Variants in SLC5A9 observed in about 807,000 individuals in gnomAD.
SLC5A9 encodes solute carrier family 5 member 9, also known as sodium/glucose cotransporter 4.
Under a neutral mutation model 70.9 loss-of-function variants are expected in SLC5A9, and 59 were observed. The ratio of observed to expected loss-of-function variants is 0.83; its 90% CI spans 0.68 to 1.03. SLC5A9 has a LOEUF of 1.03. Ranked by LOEUF, SLC5A9 falls within the 50% of genes least tolerant of loss-of-function variation. SLC5A9 has a pLI of 0.00. For missense variants in SLC5A9, 832 were observed against 881.1 expected, an observed-to-expected ratio of 0.94 and a Z score of 0.71; for synonymous variants, 340 against 346.5, an observed-to-expected ratio of 0.98 and a Z score of 0.21.
chr1:48,242,464 G>A lies in SLC5A9; in HGVS notation c.1685G>A (p.Arg562His), dbSNP rs190242298. 30 of 1,602,752 alleles carry A rather than the reference G, an allele frequency of 1.9e-5. No homozygotes were observed. The highest frequency in any genetic ancestry group is 7.8e-5 in the South Asian group (7 of 89,982). Residue 562 changes from arginine to histidine, a missense_variant, in exon 13 of 14, where the codon CGC becomes CAC. Physicochemically the swap from Arg to His is conservative, Grantham distance 29 (BLOSUM62 0). Transcript: ENST00000438567. Reference protein sequence around the residue: ...TTPIPEEQLTRLTWWTRNCPL... With the variant: ...TTPIPEEQLTHLTWWTRNCPL... ...TGTCTTCTTTCCCTCCAGCTCACAC[G>A]CCTCACATGGTGGACTCGGAACTGC...
chr1:48,224,730 A>T lies in SLC5A9; in HGVS notation c.169A>T (p.Ile57Phe). The T allele has an allele frequency of 6.2e-7, 1 of 1,614,094 alleles. No individual in the cohort carries two copies. The highest frequency in any genetic ancestry group is 8.5e-7 in the Non-Finnish European group (1 of 1,179,990). ...FVIAVGIWSS[I>F]RASRGTIGGY... is the part of the protein sequence containing the mutation. The stretch of plus-strand genomic sequence containing the variant: ...TCATCTATTTCCTTTCCAGTCGTCC[A>T]TCCGTGCAAGTCGAGGGACCATTGG... Residue 57 changes from isoleucine to phenylalanine, a missense_variant, in exon 2 of 14, where the codon ATC (isoleucine) becomes TTC (phenylalanine). By Grantham distance (21) the Ile-to-Phe change is conservative. Transcript: ENST00000438567.
Position 48,247,679 on chromosome 1 carries a change from A to C in SLC5A9, c.*136A>C, listed in dbSNP as rs1644475331. ...AAGACTGCAAGCTCCCCTGAAGAGA[A>C]TCCAACTCAACCTGCACACTTGACA... On this transcript the variant is annotated 3_prime_UTR_variant, in exon 14 of 14. Transcript: ENST00000438567. The C allele has an allele frequency of 1.2e-6, 1 of 812,612 alleles. No homozygotes were observed. Among genetic ancestry groups the C allele is most frequent in the African/African-American group, 1.7e-5 (1 of 58,770 alleles). 50.3% of individuals were successfully genotyped at this position (812,612 alleles called of 1,614,324 possible). A position where few individuals can be genotyped will look rare whatever the true frequency, so the allele number is the denominator to read the frequency against.
At position 48,229,326 on chromosome 1, in the gene SLC5A9, T is replaced by A; in HGVS notation, c.371T>A (p.Val124Asp). The change falls in exon 4 of 14, where the codon GTC becomes GAC. Residue 124 changes from valine (V) to aspartate (D), a missense_variant. Coordinates refer to ENST00000438567, the MANE Select transcript of SLC5A9 (RefSeq NM_001011547.3). ...TGGCTGCTCCTGGCCCTTGGCTGGG[T>A]CTTCGTCCCTGTGTACATCGCAGCA... The part of the protein sequence containing the change: ...ATWLLLALGW[V>D]FVPVYIAAGV... 6.2e-7 allele frequency: 1 copy of A among 1,614,152 alleles called. No homozygotes were observed. Among genetic ancestry groups the A allele is most frequent in the East Asian group, 2.2e-5 (1 of 44,854 alleles).
In SLC5A9 at chr1:48,222,743, A is replaced by G. The variant is rs763604741; in HGVS notation, c.7A>G (p.Lys3Glu). 5 of 1,614,186 alleles carry G rather than the reference A, an allele frequency of 3.1e-6. No homozygotes were observed. In the Admixed American group the frequency reaches 6.7e-5, roughly 22 times the overall value. ...TGTTGACCAACACTAACAGATGAGC[A>G]AGGAGCTGGCAGCAATGGGGCCTGG... is the stretch of plus-strand genomic sequence containing the variant. Reference protein sequence around the residue: MSKELAAMGPGAS... With the variant: MSEELAAMGPGAS... Residue 3 changes from lysine (K) to glutamate (E), a missense_variant, in exon 1 of 14, where the codon AAG (lysine) becomes GAG (glutamate). Physicochemically the swap from Lys to Glu is moderately conservative, Grantham distance 56. Coordinates refer to ENST00000438567, the MANE Select transcript of SLC5A9 (RefSeq NM_001011547.3).
At chr1:48,230,790 A>G in intron 5 of SLC5A9, 85 bp downstream of exon 5, 1 of 1,011,754 alleles carries the variant, frequency 9.9e-7, no homozygotes. Flanking sequence ...AACCAGAGAG[A>G]GAGACAGAGT....
At chr1:48,223,527 T>C (rs982417732) in intron 1 of SLC5A9, among the ~76,000 whole-genome samples, 72 of 152,284 alleles carry the variant, frequency 4.7e-4, no homozygotes, top group African/African-American at 1.6e-3. Context: ...ATAAGGACTA[T>C]GCTGTGATCA....
chr1:48,229,453 G>C lies in SLC5A9; in HGVS notation c.498G>C (p.Lys166Asn), dbSNP rs377329714. 1 of 1,614,070 alleles carries C rather than the reference G, an allele frequency of 6.2e-7. No individual in the cohort carries two copies. Among genetic ancestry groups the C allele is most frequent in the East Asian group, 2.2e-5 (1 of 44,870 alleles). The change falls in exon 4 of 14, where the codon AAG becomes AAC. Residue 166 changes from lysine to asparagine, a missense_variant. Lys to Asn is a moderately conservative substitution (Grantham distance 94). Coordinates refer to ENST00000438567, the MANE Select transcript of SLC5A9 (RefSeq NM_001011547.3). ...CTCTCATCCTCTACATCTTCACCAA[G>C]ATCTCGGTAGGTGTCACTGCAATGT... ...VLSLILYIFT[K>N]ISTDIFSGAL...
At position 48,247,859 on chromosome 1, in the gene SLC5A9, T is replaced by C. The variant is rs1360092120; in HGVS notation, c.*316T>C. On this transcript the variant is annotated 3_prime_UTR_variant, in exon 14 of 14. Coordinates refer to ENST00000438567, the MANE Select transcript of SLC5A9 (RefSeq NM_001011547.3). ...CTCTTCTTGAATGTATTCAGTAGCC[T>C]TTACTGAATGTGTGTCTTGAGAGTA... 8.8e-6 allele frequency: 3 copies of C among 341,016 alleles called. No individual in the cohort carries two copies. The highest frequency in any genetic ancestry group is 5.2e-5 in the South Asian group (1 of 19,186). 21.1% of individuals were successfully genotyped at this position (341,016 alleles called of 1,614,324 possible). A position where few individuals can be genotyped will look rare whatever the true frequency, so the allele number is the denominator to read the frequency against.
chr1:48,229,704 CATTT>C (rs989407378), intron 4 of SLC5A9: 25 of 552,722 alleles, frequency 4.5e-5, no homozygotes, highest in East Asian at 9.6e-5. Context: ...AGAGTTCATT[CATTT>C]ATTTTTTCAT....
rs1644477909 is a variant in SLC5A9, at chr1:48,247,958, T to C, written c.*415T>C. 1.1e-5 allele frequency: 2 copies of C among 187,944 alleles called. No homozygotes were observed. Among genetic ancestry groups the C allele is most frequent in the South Asian group, 2.2e-4 (2 of 9,030 alleles). The allele number at this position is 187,944 out of a possible 1,614,324, so 11.6% of individuals were successfully genotyped here. A position where few individuals can be genotyped will look rare whatever the true frequency, so the allele number is the denominator to read the frequency against. On this transcript the variant is annotated 3_prime_UTR_variant, in exon 14 of 14. Coordinates refer to ENST00000438567, the MANE Select transcript of SLC5A9 (RefSeq NM_001011547.3). ...CCAAGAGCACCTTTGCTCCCCCTTA[T>C]CCTCCTTCCTCTTCCCCTTTCTAGT... is the stretch of plus-strand genomic sequence containing the variant.
chr1:48,241,084 G>C (rs1485824439), intron 12 of SLC5A9: 1 of 152,000 alleles, frequency 6.6e-6, no homozygotes, highest in Non-Finnish European at 1.5e-5. Flanking sequence ...TCACTCTTTT[G>C]ACTTCTTCAC....
At chr1:48,247,286 T>C (rs1470681885) in intron 13 of SLC5A9, 49 bp from the exon 14 acceptor site, 1 of 1,567,422 alleles carries the variant, frequency 6.4e-7, no homozygotes, top group East Asian at 2.3e-5. Context: ...CCAATCTTCT[T>C]TGCCTCTCCC....
chr1:48,222,965 G>T, intron 1 of SLC5A9, 67 bp downstream of exon 1: 3 of 1,547,910 alleles, frequency 1.9e-6, no homozygotes, highest in South Asian at 2.3e-5. Context: ...GGGTGGGGCT[G>T]TGGAGCTGGG....
chr1:48,230,503 A>G, intron 4 of SLC5A9, 97 bp from the exon 5 acceptor site: 1 of 780,686 alleles, frequency 1.3e-6, no homozygotes, highest in East Asian at 2.5e-5. Flanking sequence ...ATGAGGGCTG[A>G]GGGTGCCTGG....
chr1:48,242,712 C>A, intron 13 of SLC5A9, 96 bp downstream of exon 13: 1 of 1,193,560 alleles, frequency 8.4e-7, no homozygotes, highest in Non-Finnish European at 1.1e-6. Context: ...TCTGAGGGAG[C>A]CCAATAAATA....
chr1:48,230,751 G>A (rs181648324), intron 5 of SLC5A9, 46 bp downstream of exon 5: 383 of 1,412,508 alleles, frequency 2.7e-4, no homozygotes, highest in Non-Finnish European at 3.3e-4. Flanking sequence ...GACTGGCAGA[G>A]ACCCAGAGAG....
At chr1:48,223,497 T>C (rs1644100888) in intron 1 of SLC5A9, among the ~76,000 whole-genome samples, 1 of 152,152 alleles carries the variant, frequency 6.6e-6, no homozygotes. Flanking sequence ...CCTATCAGCT[T>C]TCTCAGGTGA....
intron 9 of SLC5A9, 29 bp downstream of exon 9, chr1:48,233,791 C>A: frequency 1.3e-6 from 2 of 1,494,744 alleles, no homozygotes; most frequent in Non-Finnish European, 1.9e-6. Context: ...CCCCACCCTG[C>A]ACTCTCACCT....
At chr1:48,233,927 C>T (rs1158934205) in intron 9 of SLC5A9, among the ~76,000 whole-genome samples, 165 bp downstream of exon 9, 1 of 152,176 alleles carries the variant, frequency 6.6e-6, no homozygotes, top group Non-Finnish European at 1.5e-5. Flanking sequence ...GGCATTTGTA[C>T]GTAAGACACC....
Sources: gnomAD v4.1 joint callset for allele counts (sites outside exome capture counted in the v4.1 genomes callset) on GRCh38, gnomAD v4.1.1 for gene constraint, MANE v1.5 for transcripts, NCBI Gene and HGNC (gene_info 2026-07-23, HGNC 2026-07-21) for gene names.